PCDHGA4: variants seen among roughly 807,000 people sequenced by gnomAD.
The protein encoded by PCDHGA4 is protocadherin gamma subfamily A, 4, also known as protocadherin gamma-A4.
PCDHGA4 carries 38 observed loss-of-function variants against 54.6 expected under a neutral mutation model. The ratio of observed to expected loss-of-function variants is 0.70; its 90% CI spans 0.54 to 0.91. The LOEUF is 0.91. Among genes scored for constraint, PCDHGA4 ranks in the 40% least tolerant of loss-of-function variants. The pLI, the probability that PCDHGA4 is intolerant of heterozygous loss-of-function variation, is 0.00. For synonymous variants in PCDHGA4, 511 were observed against 512.9 expected, an observed-to-expected ratio of 1.00 and a Z score of 0.05; for missense variants, 1,298 against 1,220.9, an observed-to-expected ratio of 1.06 and a Z score of -0.94.
In PCDHGA4 at chr5:141,419,332, C is replaced by T. The variant is rs1356380695; in HGVS notation, c.2514+61711C>T. On this transcript the variant is annotated intron_variant, in intron 1 of 3. Transcript: ENST00000571252. Reference sequence around the variant, plus strand: ...TCAACGGCCGTGTCTCCTACTCTCTCATTGCCAGCGACCTGGAGTCACGAA... The same window carrying T: ...TCAACGGCCGTGTCTCCTACTCTCTTATTGCCAGCGACCTGGAGTCACGAA... 3.7e-6 allele frequency: 6 copies of T among 1,613,832 alleles called. No individual in the cohort carries two copies. The Admixed American group carries it at 8.3e-5, about 22-fold the overall frequency.
chr5:141,439,410 A>T (rs2098110832), intron 1 of PCDHGA4, among the ~76,000 whole-genome samples: 1 of 152,220 alleles, frequency 6.6e-6, no homozygotes, highest in African/African-American at 2.4e-5. Context: ...TGCTAACATC[A>T]CTGAGGTTAT....
chr5:141,382,962 G>T (rs1259468425), intron 1 of PCDHGA4: 2 of 1,607,858 alleles, frequency 1.2e-6, no homozygotes, highest in Non-Finnish European at 1.7e-6. Flanking sequence ...TCCTCCTGGG[G>T]ACCCCCTGGG....
At chr5:141,414,233 T>A in intron 1 of PCDHGA4, 1 of 1,613,474 alleles carries the variant, frequency 6.2e-7, no homozygotes, top group Non-Finnish European at 8.5e-7. Flanking sequence ...GAGCTGACCA[T>A]CACGTCTCTA....
At chr5:141,382,762 C>T in intron 1 of PCDHGA4, 1 of 690,986 alleles carries the variant, frequency 1.4e-6, no homozygotes, top group Non-Finnish European at 2.4e-6. Context: ...AAGCCCTCTT[C>T]CAGGCTGCAC....
intron 1 of PCDHGA4, chr5:141,411,436 T>C (rs2095489663): frequency 6.7e-6 from 1 of 149,586 alleles, no homozygotes; most frequent in South Asian, 2.1e-4. Flanking sequence ...AAAAAAACAT[T>C]AGCAGAGTGT....
At position 141,487,892 on chromosome 5, in the gene PCDHGA4, T is replaced by C; in HGVS notation, c.2515-6915T>C. The C allele has an allele frequency of 2.7e-6, 2 of 731,410 alleles. No individual in the cohort carries two copies. The highest frequency in any genetic ancestry group is 4.4e-6 in the Non-Finnish European group (2 of 450,094). 45.3% of individuals were successfully genotyped at this position (731,410 alleles called of 1,614,324 possible). On this transcript the variant is annotated intron_variant, in intron 1 of 3. Coordinates refer to ENST00000571252, the MANE Select transcript of PCDHGA4 (RefSeq NM_018917.4). This position sits in a 1 kb window ranked among gnomAD's most constrained non-coding sequence, Gnocchi z 5.0. ...GAGCCAGGCTGTTGTGGAAGCATGA[T>C]GATGGAATGTGGGAGCACAGGAGGC...
At chr5:141,505,804 G>A (rs554534524) in intron 3 of PCDHGA4, among the ~76,000 whole-genome samples, 13 of 152,240 alleles carry the variant, frequency 8.5e-5, no homozygotes, top group Admixed American at 3.3e-4. Context: ...GACTTGGATC[G>A]ACTTGCTCAA....
In PCDHGA4 at chr5:141,511,074, C is replaced by G; in HGVS notation, c.2790C>G (p.Ser930Arg). 1.2e-6 allele frequency: 2 copies of G among 1,614,238 alleles called. No homozygotes were observed. The highest frequency in any genetic ancestry group is 1.7e-6 in the Non-Finnish European group (2 of 1,180,040). ...GCCAGAATGTCTACATCCCAGGCAGCAATGCCACACTGACCAACGCAGCTG... is the reference window on the plus strand; with the variant it reads ...GCCAGAATGTCTACATCCCAGGCAGGAATGCCACACTGACCAACGCAGCTG... The part of the protein sequence containing the change: ...DYRQNVYIPG[S>R]NATLTNAAGK... Residue 930 changes from serine (S) to arginine (R), a missense_variant, in exon 4 of 4, where the codon AGC becomes AGG. Coordinates refer to ENST00000571252, the MANE Select transcript of PCDHGA4 (RefSeq NM_018917.4).
Position 141,489,492 on chromosome 5 carries a change from G to C in PCDHGA4, c.2515-5315G>C. On this transcript the variant is annotated intron_variant, in intron 1 of 3. Coordinates refer to ENST00000571252, the MANE Select transcript of PCDHGA4 (RefSeq NM_018917.4). This position sits in a 1 kb window ranked among gnomAD's most constrained non-coding sequence, Gnocchi z 4.5. The stretch of plus-strand genomic sequence containing the variant: ...CCCTGAGCTTGATGAGTGGTGCCCT[G>C]GCAGTGAATCAAAAGATTGACCGAG... The C allele has an allele frequency of 6.2e-7, 1 of 1,614,042 alleles. No homozygotes were observed. The highest frequency in any genetic ancestry group is 8.5e-7 in the Non-Finnish European group (1 of 1,180,034).
intron 2 of PCDHGA4, among the ~76,000 whole-genome samples, chr5:141,498,604 C>G (rs1445417630): frequency 6.6e-6 from 1 of 152,122 alleles, no homozygotes; most frequent in East Asian, 1.9e-4. Flanking sequence ...GGTTCAAGTT[C>G]AAGTCAGCAC....
intron 1 of PCDHGA4, chr5:141,372,555 C>T: frequency 6.2e-7 from 1 of 1,614,046 alleles, no homozygotes; most frequent in Non-Finnish European, 8.5e-7. Context: ...CTCCTCCAGA[C>T]CCGCCACTGA....
intron 1 of PCDHGA4, chr5:141,393,093 G>T: frequency 2.5e-6 from 4 of 1,613,620 alleles, no homozygotes; most frequent in Non-Finnish European, 3.4e-6. Context: ...AGATCGGGAG[G>T]AGCTCTGCGC....
intron 1 of PCDHGA4, chr5:141,389,352 AT>A (rs1561624660): frequency 6.2e-7 from 1 of 1,613,628 alleles, no homozygotes; most frequent in African/African-American, 1.3e-5. Context: ...TTACTGCATC[AT>A]GGCCAGTGAC....
intron 1 of PCDHGA4, chr5:141,415,634 C>T: frequency 6.3e-7 from 1 of 1,589,948 alleles, no homozygotes; most frequent in East Asian, 2.3e-5. Flanking sequence ...TTCATTTTTA[C>T]TTTTGTTAAA....
Position 141,477,486 on chromosome 5 carries a change from C to A in PCDHGA4, c.2515-17321C>A. On this transcript the variant is annotated intron_variant, in intron 1 of 3. Coordinates refer to ENST00000571252, the MANE Select transcript of PCDHGA4 (RefSeq NM_018917.4). This position sits in a 1 kb window ranked among gnomAD's most constrained non-coding sequence, Gnocchi z 4.9. ...GACATCAATGACAACCCTCCACAAT[C>A]TTCTCAATCTTCCTACGACGTTTAC... is the stretch of plus-strand genomic sequence containing the variant. The A allele has an allele frequency of 6.2e-7, 1 of 1,614,170 alleles. No homozygotes were observed. The highest frequency in any genetic ancestry group is 8.5e-7 in the Non-Finnish European group (1 of 1,180,040).
intron 1 of PCDHGA4, chr5:141,385,554 T>C (rs2090283366): frequency 7.6e-7 from 1 of 1,314,354 alleles, no homozygotes; most frequent in Non-Finnish European, 9.7e-7. Context: ...TATCACATTT[T>C]ATAATTTCCA....
chr5:141,403,367 G>A (rs753470303), intron 1 of PCDHGA4: 1 of 1,614,038 alleles, frequency 6.2e-7, no homozygotes, highest in South Asian at 1.1e-5. Context: ...CGAAAGTCTG[G>A]AAGTAAAAAT....
intron 1 of PCDHGA4, among the ~76,000 whole-genome samples, chr5:141,381,491 A>G (rs773337977): frequency 1.7e-4 from 26 of 152,224 alleles, no homozygotes; most frequent in Non-Finnish European, 7.3e-5. Flanking sequence ...TGTTTTCTCA[A>G]TTACACTAGA....
At chr5:141,409,707 C>T in intron 1 of PCDHGA4, 1 of 1,613,248 alleles carries the variant, frequency 6.2e-7, no homozygotes, top group Non-Finnish European at 8.5e-7. Flanking sequence ...CTGGCGGTGT[C>T]GTCATACGTG....
Sources: gnomAD v4.1 joint callset for allele counts (sites outside exome capture counted in the v4.1 genomes callset) on GRCh38, gnomAD v4.1.1 for gene constraint, Gnocchi (gnomAD v3.1) non-coding constraint, MANE v1.5 for transcripts, NCBI Gene and HGNC (gene_info 2026-07-23, HGNC 2026-07-21) for gene names.